The following NRXN3 variants were observed in gnomAD, a reference collection of about 807,000 sequenced individuals.
NRXN3 encodes the protein neurexin III.
In NRXN3, 32 loss-of-function variants were observed where a neutral mutation model predicts 137.6. The observed-to-expected ratio is 0.23, with a 90% CI of 0.18 to 0.31. NRXN3 has a LOEUF of 0.31. Among genes scored for constraint, NRXN3 ranks in the 10% least tolerant of loss-of-function variants. The probability of loss-of-function intolerance (pLI) is 1.00; values close to 1 mark genes in which losing one functional copy is unlikely to be tolerated. For missense variants in NRXN3, 1,574 were observed against 2,062.5 expected, an observed-to-expected ratio of 0.76 and a Z score of 4.59; for synonymous variants, 798 against 784.5, an observed-to-expected ratio of 1.02 and a Z score of -0.29.
intron 15 of NRXN3, among the ~76,000 whole-genome samples, chr14:79,332,221 G>T (rs977568063): frequency 6.6e-6 from 1 of 152,088 alleles, no homozygotes; most frequent in African/African-American, 2.4e-5. Flanking sequence ...AATGATTTTC[G>T]CACCAACCTT....
chr14:78,699,836 C>A (rs2098262082), intron 6 of NRXN3, among the ~76,000 whole-genome samples: 1 of 152,106 alleles, frequency 6.6e-6, no homozygotes, highest in Non-Finnish European at 1.5e-5. Flanking sequence ...TAAGAAAATG[C>A]AGGAAATGAG....
At chr14:79,576,855 T>C (rs1425222218) in intron 16 of NRXN3, among the ~76,000 whole-genome samples, 1 of 152,214 alleles carries the variant, frequency 6.6e-6, no homozygotes, top group Non-Finnish European at 1.5e-5. Context: ...GTTATCAATA[T>C]TTCTTAAATC....
chr14:79,517,100 C>G (rs1039676700), intron 16 of NRXN3, among the ~76,000 whole-genome samples: 67 of 146,016 alleles, frequency 4.6e-4, no homozygotes, highest in Non-Finnish European at 3.6e-4. Flanking sequence ...CAGCCCCCCC[C>G]CCCTCAACGA....
intron 4 of NRXN3, among the ~76,000 whole-genome samples, chr14:78,332,318 CTTTTT>C (rs5809877): frequency 5.6e-5 from 7 of 124,678 alleles, no homozygotes; most frequent in Admixed American, 8.1e-5. Flanking sequence ...TTTTCTTCTT[CTTTTT>C]TTTTTTTTTT....
chr14:78,412,617 T>C (rs975673491), intron 4 of NRXN3, among the ~76,000 whole-genome samples: 10 of 152,290 alleles, frequency 6.6e-5, no homozygotes, highest in African/African-American at 2.2e-4. Flanking sequence ...GTTAAGTAAC[T>C]TACCCAAGGT....
intron 1 of NRXN3, among the ~76,000 whole-genome samples, chr14:78,234,127 T>A (rs901534301): frequency 1.3e-5 from 2 of 152,194 alleles, no homozygotes; most frequent in Non-Finnish European, 2.9e-5. Context: ...GTCCCTTTGC[T>A]CTTCTTTCAT....
chr14:78,174,672 G>A (rs1244448922), intron 1 of NRXN3, among the ~76,000 whole-genome samples: 1 of 152,154 alleles, frequency 6.6e-6, no homozygotes, highest in African/African-American at 2.4e-5. Context: ...CTCATACGGT[G>A]GCTCTGGACA....
intron 10 of NRXN3, among the ~76,000 whole-genome samples, chr14:78,877,210 T>C (rs2099115909): frequency 6.6e-6 from 1 of 152,184 alleles, no homozygotes; most frequent in Non-Finnish European, 1.5e-5. Context: ...TTCTCTAAAA[T>C]TGAGGAAGTT....
intron 8 of NRXN3, among the ~76,000 whole-genome samples, chr14:78,717,459 A>G (rs188010677): frequency 6.6e-6 from 1 of 152,318 alleles, no homozygotes; most frequent in East Asian, 1.9e-4. Flanking sequence ...CTCAAATCCC[A>G]GACGGTTCAA....
chr14:78,567,751 C>G (rs1348957505), intron 4 of NRXN3, among the ~76,000 whole-genome samples: 1 of 152,014 alleles, frequency 6.6e-6, no homozygotes, highest in African/African-American at 2.4e-5. Flanking sequence ...ATTATGATGT[C>G]AGCCCTGACT....
chr14:78,284,064 T>C (rs2074815960), intron 3 of NRXN3, among the ~76,000 whole-genome samples: 1 of 152,140 alleles, frequency 6.6e-6, no homozygotes, highest in Admixed American at 6.5e-5. Flanking sequence ...GCCTGGCACA[T>C]AGTTAGCCAT....
At chr14:78,251,012 A>G (rs2068535363) in intron 2 of NRXN3, among the ~76,000 whole-genome samples, 1 of 152,166 alleles carries the variant, frequency 6.6e-6, no homozygotes, top group Non-Finnish European at 1.5e-5. Context: ...GAATATGAGT[A>G]TAGTATTCAA....
intron 15 of NRXN3, among the ~76,000 whole-genome samples, chr14:79,419,891 A>T (rs1322432881): frequency 6.6e-6 from 1 of 152,052 alleles, no homozygotes; most frequent in Admixed American, 6.6e-5. Flanking sequence ...CAGCTATGAG[A>T]TAAGGAGCTG....
intron 15 of NRXN3, among the ~76,000 whole-genome samples, chr14:79,343,820 G>C (rs2092732398): frequency 6.6e-6 from 1 of 151,772 alleles, no homozygotes; most frequent in African/African-American, 2.4e-5. Flanking sequence ...TCCCTTTTTT[G>C]AGGAGATGTT....
At chr14:79,800,915 T>A (rs1366865603) in intron 19 of NRXN3, among the ~76,000 whole-genome samples, 3 of 152,246 alleles carry the variant, frequency 2.0e-5, no homozygotes, top group Non-Finnish European at 4.4e-5. Context: ...ATTTTCTAGA[T>A]GTTAGGGACA....
chr14:78,197,536 A>T (rs949690395), intron 1 of NRXN3, among the ~76,000 whole-genome samples: 2 of 152,146 alleles, frequency 1.3e-5, no homozygotes, highest in African/African-American at 4.8e-5. Flanking sequence ...CCTCTTGCTG[A>T]TCTTGGCACT....
At chr14:78,665,855 G>T (rs981422739) in intron 6 of NRXN3, among the ~76,000 whole-genome samples, 7 of 152,160 alleles carry the variant, frequency 4.6e-5, no homozygotes, top group Admixed American at 4.6e-4. Context: ...TTTCTGAAAA[G>T]ATCCAGGCTA....
intron 15 of NRXN3, among the ~76,000 whole-genome samples, chr14:79,444,142 G>A (rs189846208): frequency 1.7e-3 from 265 of 152,262 alleles, no homozygotes; most frequent in Admixed American, 2.9e-3. Flanking sequence ...TTACAGCAGA[G>A]CAAAAGAAAG....
intron 15 of NRXN3, among the ~76,000 whole-genome samples, chr14:79,156,642 A>C: frequency 6.6e-6 from 1 of 151,978 alleles, no homozygotes; most frequent in Admixed American, 6.6e-5. Context: ...TTTATTAAGA[A>C]GACTGTGAAG....
Sources: gnomAD v4.1 joint callset for allele counts (sites outside exome capture counted in the v4.1 genomes callset) on GRCh38, gnomAD v4.1.1 for gene constraint, MANE v1.5 for transcripts, NCBI Gene and HGNC (gene_info 2026-07-23, HGNC 2026-07-21) for gene names.